The following ARMC2 variants were observed in gnomAD, a reference collection of about 807,000 sequenced individuals.
ARMC2 encodes armadillo repeat-containing protein 2.
A neutral mutation model predicts 90.3 loss-of-function variants in ARMC2; 67 were observed. The observed-to-expected ratio is 0.74, with a 90% confidence interval of 0.61 to 0.91. The LOEUF is 0.91. Ranked by LOEUF, ARMC2 falls within the 40% of genes least tolerant of loss-of-function variation. The pLI is 0.00. For missense variants in ARMC2, 920 were observed against 1,030.9 expected (o/e 0.89, Z 1.47); for synonymous variants, 393 against 393.0 (o/e 1.00, Z 0.00).
At chr6:108,871,559 C>A (rs1046933172) in intron 4 of ARMC2, among the ~76,000 whole-genome samples, 1 of 152,086 alleles carries the variant, frequency 6.6e-6, no homozygotes, top group African/African-American at 2.4e-5. Flanking sequence ...ATTCTGTGTT[C>A]TTGCTTGTGA....
At chr6:108,893,332 CAG>C (rs1243969270) in intron 5 of ARMC2, among the ~76,000 whole-genome samples, 2 of 152,110 alleles carry the variant, frequency 1.3e-5, no homozygotes, top group Admixed American at 6.5e-5. Flanking sequence ...AAAATGGAAT[CAG>C]GGCACATTTT....
At chr6:108,916,211 C>G (rs1773951012) in intron 10 of ARMC2, among the ~76,000 whole-genome samples, 1 of 152,184 alleles carries the variant, frequency 6.6e-6, no homozygotes, top group Non-Finnish European at 1.5e-5. Context: ...ACTCATTTCA[C>G]AAGTTTTGTG....
the ARMC2 span, among the ~76,000 whole-genome samples, chr6:109,015,576 T>C: frequency 1.1e-4 from 16 of 152,282 alleles, no homozygotes; most frequent in African/African-American, 3.4e-4. Flanking sequence ...TTCAGACATA[T>C]TACAATGTTT....
In ARMC2 at chr6:108,961,609, C is replaced by G. The variant is rs1018660510; in HGVS notation, c.1953C>G (p.Ile651Met). The change falls in exon 14 of 18, where the codon ATC (isoleucine) becomes ATG (methionine). Residue 651 changes from isoleucine to methionine, a missense_variant. Physicochemically the swap from Ile to Met is conservative, Grantham distance 10. Coordinates refer to ENST00000392644, the MANE Select transcript of ARMC2 (RefSeq NM_032131.6). ...KSLDDCEELV[I>M]NATATINNLS... is the part of the protein sequence containing the mutation. ...TTGATGATTGTGAGGAGCTGGTGAT[C>G]AATGCTACAGCGACAATCAACAATT... 6 of 1,611,268 alleles carry G rather than the reference C, an allele frequency of 3.7e-6. No homozygotes were observed. The highest frequency in any genetic ancestry group is 5.1e-6 in the Non-Finnish European group (6 of 1,178,994).
At chr6:109,045,397 T>C in the ARMC2 span, among the ~76,000 whole-genome samples, 3 of 152,216 alleles carry the variant, frequency 2.0e-5, no homozygotes, top group South Asian at 6.2e-4. Context: ...CTGATGATGA[T>C]ATAATCCTTT....
intron 11 of ARMC2, among the ~76,000 whole-genome samples, chr6:108,934,961 A>G (rs1262398434): frequency 6.6e-6 from 1 of 152,158 alleles, no homozygotes; most frequent in South Asian, 2.1e-4. Context: ...TTTTTAAGAT[A>G]TGTATTATTA....
chr6:108,863,339 T>C (rs961867636), intron 3 of ARMC2, among the ~76,000 whole-genome samples: 36 of 152,316 alleles, frequency 2.4e-4, no homozygotes, highest in African/African-American at 8.4e-4. Flanking sequence ...CACCTTGGCC[T>C]CCTAGAGTGC....
the ARMC2 span, among the ~76,000 whole-genome samples, chr6:109,052,749 C>T: frequency 6.6e-6 from 1 of 152,128 alleles, no homozygotes; most frequent in Admixed American, 6.5e-5. Context: ...AACTATACTA[C>T]AGGAAACATT....
the ARMC2 span, among the ~76,000 whole-genome samples, chr6:108,992,184 A>G: frequency 6.6e-6 from 1 of 152,162 alleles, no homozygotes; most frequent in African/African-American, 2.4e-5. Context: ...CCGCAGCCTC[A>G]ACCTTCCAGG....
the ARMC2 span, among the ~76,000 whole-genome samples, chr6:108,989,664 A>T: frequency 6.6e-6 from 1 of 151,960 alleles, no homozygotes; most frequent in African/African-American, 2.4e-5. Context: ...AAATAATTAG[A>T]ATTACTTTAC....
chr6:108,998,742 G>A, the ARMC2 span: 3 of 1,609,072 alleles, frequency 1.9e-6, no homozygotes, highest in East Asian at 2.2e-5. Context: ...GTGCTCTTCA[G>A]CTTTTAAAAG....
At chr6:109,022,576 T>G in the ARMC2 span, among the ~76,000 whole-genome samples, 1 of 151,730 alleles carries the variant, frequency 6.6e-6, no homozygotes, top group African/African-American at 2.4e-5. Context: ...GCCCGGCTAA[T>G]TTTTTGTATT....
At chr6:108,983,616 G>A in the ARMC2 span, among the ~76,000 whole-genome samples, 1 of 152,140 alleles carries the variant, frequency 6.6e-6, no homozygotes, top group African/African-American at 2.4e-5. Flanking sequence ...TTGACTTTGT[G>A]CCAGTTCCAC....
At chr6:108,859,290 C>T (rs1471765835) in intron 3 of ARMC2, among the ~76,000 whole-genome samples, 2 of 152,100 alleles carry the variant, frequency 1.3e-5, no homozygotes, top group Non-Finnish European at 2.9e-5. Flanking sequence ...GCACAGCTCT[C>T]CTGGGGTGCC....
chr6:109,039,735 A>G, the ARMC2 span, among the ~76,000 whole-genome samples: 1 of 152,276 alleles, frequency 6.6e-6, no homozygotes, highest in African/African-American at 2.4e-5. Context: ...CATAAACTAC[A>G]AAGTTTCTAG....
At chr6:108,980,212 CCTTT>C in the ARMC2 span, among the ~76,000 whole-genome samples, 6 of 152,118 alleles carry the variant, frequency 3.9e-5, no homozygotes, top group African/African-American at 4.8e-5. Context: ...TGATACTATT[CCTTT>C]CTGTTTGTTA....
At chr6:108,990,207 GATTACGTATTATGAGAGC>G in the ARMC2 span, among the ~76,000 whole-genome samples, 126 of 152,342 alleles carry the variant, frequency 8.3e-4, 1 homozygote, top group Non-Finnish European at 1.4e-3. Context: ...TTTGCATTTT[GATTACGTATTATGAGAGC>G]AAGTACTCCT....
intron 12 of ARMC2, among the ~76,000 whole-genome samples, chr6:108,949,626 C>T (rs1277976491): frequency 1.3e-5 from 2 of 152,192 alleles, no homozygotes; most frequent in Admixed American, 1.3e-4. Flanking sequence ...GGTTGGAAAA[C>T]TGATTTTCTG....
At chr6:108,903,269 AT>A (rs1772337232) in intron 7 of ARMC2, among the ~76,000 whole-genome samples, 1 of 151,592 alleles carries the variant, frequency 6.6e-6, no homozygotes, top group South Asian at 2.1e-4. Context: ...TTTTAAATTT[AT>A]TTTTTATTTT....
Sources: gnomAD v4.1 joint callset for allele counts (sites outside exome capture counted in the v4.1 genomes callset) on GRCh38, gnomAD v4.1.1 for gene constraint, MANE v1.5 for transcripts, NCBI Gene and HGNC (gene_info 2026-07-23, HGNC 2026-07-21) for gene names.